The following WDR41 variants were observed in gnomAD, a reference collection of about 807,000 sequenced individuals.
WDR41 encodes WD repeat domain 41, also known as WD repeat-containing protein 41.
A neutral mutation model predicts 69.3 loss-of-function variants in WDR41; 63 were observed. The observed-to-expected ratio is 0.91, with a 90% CI of 0.74 to 1.12. The LOEUF (loss-of-function observed/expected upper bound fraction) is 1.12, where lower values mean the gene tolerates loss of function less well. Among genes scored for constraint, WDR41 ranks in the 50% most tolerant of loss-of-function variants. WDR41 has a pLI of 0.00. For missense variants in WDR41, 543 were observed against 534.5 expected (o/e 1.02, Z -0.16); for synonymous variants, 185 against 192.1 (o/e 0.96, Z 0.31).
intron 1 of WDR41, among the ~76,000 whole-genome samples, chr5:77,592,645 C>G (rs1744154069): frequency 6.6e-6 from 1 of 152,124 alleles, no homozygotes; most frequent in Non-Finnish European, 1.5e-5. Context: ...CAGGATCAAT[C>G]TTTCAGTTTG....
intron 1 of WDR41, among the ~76,000 whole-genome samples, chr5:77,573,703 G>T (rs1457315353): frequency 1.3e-5 from 2 of 152,116 alleles, no homozygotes; most frequent in Admixed American, 1.3e-4. Context: ...AGATGAGGAG[G>T]GGGAAGGAGA....
chr5:77,583,392 T>C (rs1052461268), intron 1 of WDR41, among the ~76,000 whole-genome samples: 12 of 151,268 alleles, frequency 7.9e-5, no homozygotes, highest in African/African-American at 2.7e-4. Flanking sequence ...CCCATGTCTG[T>C]AGTCTCAGCT....
chr5:77,558,787 GT>G (rs1743461937), intron 1 of WDR41, among the ~76,000 whole-genome samples: 1 of 152,096 alleles, frequency 6.6e-6, no homozygotes, highest in Non-Finnish European at 1.5e-5. Flanking sequence ...TCAGCAATAA[GT>G]TGTCTGATAA....
In WDR41 at chr5:77,474,866, G is replaced by A. The variant is rs946460288; in HGVS notation, c.168-10057C>T. On this transcript the variant is annotated intron_variant, in intron 2 of 12. Coordinates refer to ENST00000296679, the MANE Select transcript of WDR41 (RefSeq NM_018268.4). ...GTCTACAGCTCCCAGCGTGAGCGAC[G>A]CAGAAGACGGGTGATTTCTGCATTT... Among the ~76,000 whole-genome samples the A allele has an allele frequency of 9.9e-5, 15 of 152,214 alleles. 1 individual carries two copies. Among genetic ancestry groups the A allele is most frequent in the Non-Finnish European group, 1.3e-4 (9 of 68,050 alleles).
At chr5:77,604,004 G>C (rs1339836190) in intron 1 of WDR41, among the ~76,000 whole-genome samples, 1 of 152,156 alleles carries the variant, frequency 6.6e-6, no homozygotes, top group Admixed American at 6.5e-5. Context: ...GAGTCAGGTA[G>C]TGTGATGGCT....
chr5:77,509,699 A>C (rs1054275747), intron 1 of WDR41, among the ~76,000 whole-genome samples: 2 of 152,226 alleles, frequency 1.3e-5, no homozygotes, highest in Admixed American at 1.3e-4. Flanking sequence ...GAAAATGGTA[A>C]CAGGGCAATG....
At chr5:77,496,445 T>A (rs897090698), upstream of WDR41, among the ~76,000 whole-genome samples, 6 of 152,012 alleles carry the variant, frequency 3.9e-5, no homozygotes, top group East Asian at 5.8e-4. Flanking sequence ...ACAAAAAAAA[T>A]TAGTGTTGTT....
Position 77,489,535 on chromosome 5 carries a change from T to C in WDR41, c.89A>G (p.Gln30Arg). The C allele has an allele frequency of 1.2e-6, 2 of 1,607,864 alleles. No homozygotes were observed. The highest frequency in any genetic ancestry group is 1.7e-6 in the Non-Finnish European group (2 of 1,177,962). ...TACTAGCAGTTCAGTGTAGGGATTC[T>C]GGGTTTGTTCTTCACCTATTGTCTG... Reference protein sequence around the residue: ...PLQTIGEEQTQNPYTELLVLK... With the variant: ...PLQTIGEEQTRNPYTELLVLK... Residue 30 changes from glutamine (Q) to arginine (R), a missense_variant, in exon 2 of 13, where the codon CAG becomes CGG. Transcript: ENST00000296679.
At chr5:77,618,835 G>C (rs2112353717) in intron 1 of WDR41, among the ~76,000 whole-genome samples, 1 of 152,328 alleles carries the variant, frequency 6.6e-6, no homozygotes, top group African/African-American at 2.4e-5. Flanking sequence ...GGGACATCAA[G>C]GATAAGCCAG....
intron 1 of WDR41, among the ~76,000 whole-genome samples, chr5:77,615,799 C>T (rs1186543556): frequency 2.6e-5 from 4 of 151,856 alleles, no homozygotes; most frequent in Middle Eastern, 3.4e-3. Context: ...TCGAGACCAC[C>T]CTGGCCAACA....
intron 1 of WDR41, among the ~76,000 whole-genome samples, chr5:77,522,315 C>T (rs1435278199): frequency 1.3e-5 from 2 of 152,100 alleles, no homozygotes; most frequent in African/African-American, 4.8e-5. Context: ...AAGATAGCCC[C>T]AAAGAATGCC....
At chr5:77,441,129 C>A (rs1799146438) in intron 8 of WDR41, 132 bp from the exon 9 acceptor site, 1 of 850,702 alleles carries the variant, frequency 1.2e-6, no homozygotes, top group Non-Finnish European at 1.7e-6. Flanking sequence ...GGCAAGCCAA[C>A]AGAAAGATTA....
In WDR41 at chr5:77,492,092, C is replaced by T. The variant is rs540415024; in HGVS notation, c.51+78G>A. On this transcript the variant is annotated intron_variant, in intron 1 of 12. Coordinates refer to ENST00000296679, the MANE Select transcript of WDR41 (RefSeq NM_018268.4). ...TCCGCCCGGGTCCCCGCGGTCGGAA[C>T]CCAGGAAGGCCGAACCGGAACGAAG... 5.8e-6 allele frequency: 9 copies of T among 1,554,068 alleles called. No homozygotes were observed. In the Admixed American group the frequency reaches 7.1e-5, roughly 12 times the overall value.
chr5:77,597,171 C>T (rs1744243083), intron 1 of WDR41, among the ~76,000 whole-genome samples: 2 of 151,788 alleles, frequency 1.3e-5, no homozygotes, highest in Admixed American at 6.6e-5. Flanking sequence ...GTTTTAACCT[C>T]CTGGATCTCT....
At chr5:77,474,552 A>T (rs568314471) in intron 2 of WDR41, among the ~76,000 whole-genome samples, 1 of 152,330 alleles carries the variant, frequency 6.6e-6, no homozygotes, top group African/African-American at 2.4e-5. Context: ...GAAACGTCAA[A>T]GCATTTTCAG....
chr5:77,557,677 A>G (rs1257868359), intron 1 of WDR41, among the ~76,000 whole-genome samples: 1 of 152,198 alleles, frequency 6.6e-6, no homozygotes, highest in Non-Finnish European at 1.5e-5. Flanking sequence ...AAGGCATGCA[A>G]TTCCACTCCT....
At position 77,433,147 on chromosome 5, in the gene WDR41, G is replaced by T; in HGVS notation, c.1368C>A (p.Tyr456Ter). 1 of 1,613,100 alleles carries T rather than the reference G, an allele frequency of 6.2e-7. No individual in the cohort carries two copies. The highest frequency in any genetic ancestry group is 8.5e-7 in the Non-Finnish European group (1 of 1,179,652). ...TTAATTCCTTAAACTAGACAGCAAGGTATAAGTCACCATTCTCCTCTAATT... is the reference window on the plus strand; with the variant it reads ...TTAATTCCTTAAACTAGACAGCAAGTTATAAGTCACCATTCTCCTCTAATT... ...FQKLEENGDL[Y>*]LAV The change falls in exon 13 of 13, where the codon TAC becomes TAA. Residue 456 changes from tyrosine (Y) to a stop codon, truncating the protein, a stop_gained. Transcript: ENST00000296679. LOFTEE classifies it high-confidence loss of function.
Position 77,612,506 on chromosome 5 carries a change from T to A in WDR41, c.42+7973A>T, listed in dbSNP as rs1268226249. Among the ~76,000 whole-genome samples the A allele has an allele frequency of 3.9e-5, 6 of 152,282 alleles. No homozygotes were observed. The South Asian group carries it at 1.2e-3, about 32-fold the overall frequency. On this transcript the variant is annotated intron_variant, in intron 1 of 5. Coordinates refer to the WDR41 transcript ENST00000509971. ...GGTTCAATATATGCAAATCAATAAATGTAATCCAGCATATAAACAGAACCA... is the reference window on the plus strand; with the variant it reads ...GGTTCAATATATGCAAATCAATAAAAGTAATCCAGCATATAAACAGAACCA...
At chr5:77,512,743 C>A in intron 1 of WDR41, among the ~76,000 whole-genome samples, 1 of 86,758 alleles carries the variant, frequency 1.2e-5, no homozygotes, top group African/African-American at 5.2e-5. Flanking sequence ...AAGACTCCAT[C>A]TCAAAAAAAA....
Sources: allele counts gnomAD v4.1 joint callset (sites outside exome capture counted in the v4.1 genomes callset), GRCh38; gene constraint gnomAD v4.1.1; transcripts MANE v1.5; gene names NCBI Gene and HGNC (gene_info 2026-07-23, HGNC 2026-07-21).